Variants in DOCK4 observed in about 807,000 individuals in gnomAD.
The protein encoded by DOCK4 is dedicator of cytokinesis 4.
In DOCK4, 97 loss-of-function variants were observed where a neutral mutation model predicts 268.1. The observed-to-expected ratio is 0.36, with a 90% CI of 0.31 to 0.43. The LOEUF (loss-of-function observed/expected upper bound fraction) is 0.43, where lower values mean the gene tolerates loss of function less well. Among genes scored for constraint, DOCK4 ranks in the 20% least tolerant of loss-of-function variants. DOCK4 has a pLI of 1.00. For missense variants in DOCK4, 2,145 were observed against 2,455.7 expected (o/e 0.87, Z 2.67); for synonymous variants, 954 against 887.2 (o/e 1.08, Z -1.34).
chr7:111,908,068 G>C (rs910014639), intron 13 of DOCK4, among the ~76,000 whole-genome samples: 1 of 152,030 alleles, frequency 6.6e-6, no homozygotes, highest in Non-Finnish European at 1.5e-5. Flanking sequence ...AATCTTACTA[G>C]TGCACATCTA....
intron 1 of DOCK4, among the ~76,000 whole-genome samples, chr7:112,057,883 A>T (rs1805980583): frequency 6.6e-6 from 1 of 151,962 alleles, no homozygotes; most frequent in South Asian, 2.1e-4. Context: ...AAAAAAAATT[A>T]AATGATAGTT....
chr7:111,888,405 A>C (rs1359111976), intron 16 of DOCK4, among the ~76,000 whole-genome samples: 1 of 151,884 alleles, frequency 6.6e-6, no homozygotes, highest in Non-Finnish European at 1.5e-5. Flanking sequence ...AAAAAGACTG[A>C]AAAATAGGCA....
At chr7:112,139,136 C>T (rs929510652) in intron 1 of DOCK4, among the ~76,000 whole-genome samples, 1 of 152,070 alleles carries the variant, frequency 6.6e-6, no homozygotes, top group Non-Finnish European at 1.5e-5. Flanking sequence ...GATAAGAAAC[C>T]GGTAGCTTCA....
intron 1 of DOCK4, among the ~76,000 whole-genome samples, chr7:112,135,785 A>G (rs1405260980): frequency 6.6e-6 from 1 of 151,888 alleles, no homozygotes; most frequent in Non-Finnish European, 1.5e-5. Context: ...AAAAAAAAAA[A>G]TTGAACCAGT....
chr7:112,034,124 T>C (rs1393325099), intron 1 of DOCK4, among the ~76,000 whole-genome samples: 1 of 152,212 alleles, frequency 6.6e-6, no homozygotes, highest in Non-Finnish European at 1.5e-5. Flanking sequence ...GAGAAAGAGA[T>C]GATATACAAG....
intron 1 of DOCK4, among the ~76,000 whole-genome samples, chr7:112,012,467 T>C (rs904659842): frequency 1.3e-5 from 2 of 152,220 alleles, no homozygotes; most frequent in Non-Finnish European, 2.9e-5. Context: ...CCATTCATTC[T>C]GCACAACAGT....
At chr7:111,937,690 ACAG>A (rs1176377389) in intron 11 of DOCK4, among the ~76,000 whole-genome samples, 1 of 152,222 alleles carries the variant, frequency 6.6e-6, no homozygotes, top group East Asian at 1.9e-4. Flanking sequence ...AAGCCACATA[ACAG>A]CAGCATCATC....
intron 16 of DOCK4, among the ~76,000 whole-genome samples, chr7:111,889,356 TA>T (rs1808106755): frequency 6.6e-6 from 1 of 152,154 alleles, no homozygotes; most frequent in South Asian, 2.1e-4. Flanking sequence ...GTAAGTCTTT[TA>T]GAAGAGTTGG....
At chr7:112,165,026 G>A (rs1203683636) in intron 1 of DOCK4, among the ~76,000 whole-genome samples, 1 of 152,098 alleles carries the variant, frequency 6.6e-6, no homozygotes, top group Non-Finnish European at 1.5e-5. Context: ...TCAAGTTTGG[G>A]CTTCAATCTA....
chr7:112,128,647 T>C (rs548125318), intron 1 of DOCK4, among the ~76,000 whole-genome samples: 12 of 152,336 alleles, frequency 7.9e-5, no homozygotes, highest in Middle Eastern at 6.8e-3. Flanking sequence ...ACATGTCCTC[T>C]GTCCACTCAG....
At chr7:112,146,771 A>G (rs536222465) in intron 1 of DOCK4, among the ~76,000 whole-genome samples, 12 of 152,256 alleles carry the variant, frequency 7.9e-5, no homozygotes, top group African/African-American at 2.9e-4. Context: ...TTTTACAGAG[A>G]TCTAGGAGGC....
At chr7:112,195,217 T>C (rs1820313754) in intron 1 of DOCK4, among the ~76,000 whole-genome samples, 3 of 152,178 alleles carry the variant, frequency 2.0e-5, no homozygotes, top group African/African-American at 7.2e-5. Context: ...AAGCAGAGGT[T>C]GTAGTGAGCC....
intron 12 of DOCK4, among the ~76,000 whole-genome samples, chr7:111,922,186 A>G (rs921199593): frequency 6.6e-6 from 1 of 152,230 alleles, no homozygotes; most frequent in Non-Finnish European, 1.5e-5. Flanking sequence ...GACACTTAGC[A>G]TGTAATTTAG....
chr7:112,046,574 C>T (rs1804841393), intron 1 of DOCK4, among the ~76,000 whole-genome samples: 1 of 152,132 alleles, frequency 6.6e-6, no homozygotes, highest in African/African-American at 2.4e-5. Context: ...AAAAAAGCTA[C>T]TTGGGAGGCT....
chr7:111,900,643 T>A (rs368393847), intron 14 of DOCK4, 107 bp from the exon 15 acceptor site: 2 of 1,161,598 alleles, frequency 1.7e-6, no homozygotes, highest in Admixed American at 2.5e-5. Flanking sequence ...AATAGCACTA[T>A]GAAATTACCT....
At chr7:111,880,889 CTAACT>C (rs1181675488) in intron 16 of DOCK4, among the ~76,000 whole-genome samples, 1 of 44,948 alleles carries the variant, frequency 2.2e-5, no homozygotes, top group Non-Finnish European at 3.9e-5. Flanking sequence ...ATGAAACTTG[CTAACT>C]TGCTCCTATC....
intron 25 of DOCK4, among the ~76,000 whole-genome samples, chr7:111,835,806 C>A (rs1168650052): frequency 6.6e-6 from 1 of 152,090 alleles, no homozygotes; most frequent in Non-Finnish European, 1.5e-5. Context: ...TTCAATGTAT[C>A]CTCGCCCACT....
At chr7:112,109,973 T>TG (rs1811500469) in intron 1 of DOCK4, among the ~76,000 whole-genome samples, 1 of 151,658 alleles carries the variant, frequency 6.6e-6, no homozygotes. Context: ...CTCGATCTCC[T>TG]GACCTCGTGA....
At chr7:112,156,215 ACT>A (rs955989792) in intron 1 of DOCK4, among the ~76,000 whole-genome samples, 3 of 152,104 alleles carry the variant, frequency 2.0e-5, no homozygotes, top group Non-Finnish European at 2.9e-5. Context: ...CCTCCCTCAC[ACT>A]GTGTCCAGCA....
Sources: gnomAD v4.1 joint callset for allele counts (sites outside exome capture counted in the v4.1 genomes callset) on GRCh38, gnomAD v4.1.1 for gene constraint, MANE v1.5 for transcripts, NCBI Gene and HGNC (gene_info 2026-07-23, HGNC 2026-07-21) for gene names.